Variants in TPTE2 observed in about 807,000 individuals in gnomAD.
TPTE2 encodes transmembrane phosphoinositide 3-phosphatase and tensin homolog 2.
TPTE2 carries 53 observed loss-of-function variants against 78.6 expected under a neutral mutation model. The observed-to-expected ratio is 0.67, with a 90% CI of 0.54 to 0.85. The LOEUF (loss-of-function observed/expected upper bound fraction) is 0.85, where lower values mean the gene tolerates loss of function less well. Among genes scored for constraint, TPTE2 ranks in the 40% least tolerant of loss-of-function variants. The pLI is 0.00. For synonymous variants in TPTE2, 175 were observed against 206.2 expected, an observed-to-expected ratio of 0.85 and a Z score of 1.30; for missense variants, 461 against 623.0, an observed-to-expected ratio of 0.74 and a Z score of 2.77.
At chr13:19,496,885 T>C (rs547801256) in intron 1 of TPTE2, among the ~76,000 whole-genome samples, 38 of 152,256 alleles carry the variant, frequency 2.5e-4, no homozygotes, top group Admixed American at 2.3e-3. Flanking sequence ...CCATCTGAGG[T>C]ACTGGGTTCA....
chr13:19,546,210 A>G, the TPTE2 span, among the ~76,000 whole-genome samples: 1 of 151,448 alleles, frequency 6.6e-6, no homozygotes, highest in Non-Finnish European at 1.5e-5. Flanking sequence ...AAAAGAAAAG[A>G]AAAAAAAACC....
At chr13:19,469,582 A>G in intron 6 of TPTE2, among the ~76,000 whole-genome samples, 1 of 152,128 alleles carries the variant, frequency 6.6e-6, no homozygotes. Flanking sequence ...TATTTTGACA[A>G]GGAGTGCATT....
intron 9 of TPTE2, 39 bp from the exon 13 acceptor site, chr13:19,464,559 A>G: frequency 6.3e-7 from 1 of 1,590,186 alleles, no homozygotes; most frequent in Non-Finnish European, 8.6e-7. Flanking sequence ...ACATTATTAT[A>G]GATTTCATAT....
chr13:19,424,813 G>GA (rs1875895014), intron 19 of TPTE2, 134 bp downstream of exon 22: 3 of 628,320 alleles, frequency 4.8e-6, no homozygotes, highest in Non-Finnish European at 8.3e-6. Context: ...GTAAGGCAAG[G>GA]AAAAATGGTG....
At chr13:19,457,928 A>T (rs1878644937) in intron 10 of TPTE2, among the ~76,000 whole-genome samples, 1 of 152,194 alleles carries the variant, frequency 6.6e-6, no homozygotes, top group African/African-American at 2.4e-5. Context: ...CCTTATCTTC[A>T]ACCCTTGCCT....
At chr13:19,478,660 G>A (rs911274342) in intron 4 of TPTE2, among the ~76,000 whole-genome samples, 1 of 152,006 alleles carries the variant, frequency 6.6e-6, no homozygotes, top group African/African-American at 2.4e-5. Context: ...CCATTACTGG[G>A]TATATACCCA....
Position 19,528,109 on chromosome 13 carries a change from C to T in TPTE2, c.-44+8487G>A, listed in dbSNP as rs190173628. On this transcript the variant is annotated intron_variant, in intron 1 of 17. Transcript: ENST00000390680. ...CTAAAGTACCTTTCTTGGCCGGGTG[C>T]GGTGGCTCACACCTGTACTCTCAGC... 6.7e-3 allele frequency among the ~76,000 whole-genome samples: 1,015 copies of T among 151,746 alleles called. 9 individuals carry two copies. Among genetic ancestry groups the T allele is most frequent in the African/African-American group, 0.022 (898 of 41,354 alleles).
chr13:19,533,656 A>G (rs1238801586), intron 1 of TPTE2, among the ~76,000 whole-genome samples: 1 of 152,200 alleles, frequency 6.6e-6, no homozygotes, highest in East Asian at 1.9e-4. Flanking sequence ...TAACACTTAC[A>G]AATCCTGTGA....
chr13:19,496,739 G>A (rs1205706823), intron 1 of TPTE2, among the ~76,000 whole-genome samples: 1 of 152,110 alleles, frequency 6.6e-6, no homozygotes, highest in East Asian at 1.9e-4. Context: ...AATCTGGTAC[G>A]CTCTCAAACT....
chr13:19,435,320 T>C (rs1482441788), intron 15 of TPTE2, among the ~76,000 whole-genome samples: 4 of 152,224 alleles, frequency 2.6e-5, no homozygotes, highest in African/African-American at 9.6e-5. Context: ...TTTTTGTTGT[T>C]GTTTTAAGAG....
chr13:19,531,892 A>T (rs1270110193), intron 1 of TPTE2, among the ~76,000 whole-genome samples: 1 of 152,154 alleles, frequency 6.6e-6, no homozygotes, highest in East Asian at 1.9e-4. Context: ...GCGCCACTGC[A>T]CTCCAGCCTT....
upstream of TPTE2, chr13:19,505,880 A>C (rs2137681009): frequency 6.6e-6 from 1 of 152,016 alleles, no homozygotes; most frequent in South Asian, 2.1e-4. Context: ...AGAGTGACAA[A>C]TATACTAAGA....
intron 1 of TPTE2, among the ~76,000 whole-genome samples, chr13:19,498,536 T>C (rs1288581668): frequency 6.6e-6 from 1 of 151,742 alleles, no homozygotes; most frequent in African/African-American, 2.4e-5. Flanking sequence ...GAATTTCATA[T>C]CCAGCCAAAC....
chr13:19,530,820 C>G (rs1311139016), intron 1 of TPTE2, among the ~76,000 whole-genome samples: 1 of 152,050 alleles, frequency 6.6e-6, no homozygotes, highest in Admixed American at 6.6e-5. Flanking sequence ...CCACCTTGCC[C>G]GGCCCTAAAT....
chr13:19,456,655 A>C (rs2137543534), intron 10 of TPTE2, among the ~76,000 whole-genome samples: 1 of 152,308 alleles, frequency 6.6e-6, no homozygotes, highest in Admixed American at 6.5e-5. Flanking sequence ...CAAAGAAGAC[A>C]TCAGTAGAGA....
chr13:19,452,490 A>T (rs2137534149), intron 10 of TPTE2, among the ~76,000 whole-genome samples: 1 of 152,238 alleles, frequency 6.6e-6, no homozygotes, highest in South Asian at 2.1e-4. Flanking sequence ...CTTAAATATT[A>T]CTCACTCACC....
chr13:19,513,202 G>T (rs1385385023), intron 1 of TPTE2, among the ~76,000 whole-genome samples: 1 of 152,120 alleles, frequency 6.6e-6, no homozygotes, highest in East Asian at 1.9e-4. Context: ...TCTATGTAAG[G>T]TTGCTGTATT....
At chr13:19,450,299 C>A (rs1347358937) in exon 12 of TPTE2, 1 of 1,611,134 alleles carries the variant, frequency 6.2e-7, no homozygotes, top group Non-Finnish European at 8.5e-7. Context: ...AATCATGATT[C>A]TACTGACCCT....
At chr13:19,431,114 A>G (rs966266518) in intron 16 of TPTE2, among the ~76,000 whole-genome samples, 3 of 151,054 alleles carry the variant, frequency 2.0e-5, no homozygotes, top group Non-Finnish European at 4.4e-5. Flanking sequence ...GTGACAGAAC[A>G]TGACTCTGTC....
Sources: allele counts gnomAD v4.1 joint callset (sites outside exome capture counted in the v4.1 genomes callset), GRCh38; gene constraint gnomAD v4.1.1; transcripts MANE v1.5; gene names NCBI Gene and HGNC (gene_info 2026-07-23, HGNC 2026-07-21).